Variants in GALNT1 observed in about 807,000 individuals in gnomAD.
GALNT1 encodes the protein GalNAc transferase 1.
In GALNT1, 17 loss-of-function variants were observed where a neutral mutation model predicts 65.7. That is an observed-to-expected ratio of 0.26 (90% CI 0.18 to 0.39). GALNT1 has a LOEUF of 0.39. GALNT1 is among the 10% of genes least tolerant of loss of function. GALNT1 has a pLI of 1.00. For missense variants in GALNT1, 460 were observed against 672.8 expected, an observed-to-expected ratio of 0.68 and a Z score of 3.50; for synonymous variants, 210 against 219.7, an observed-to-expected ratio of 0.96 and a Z score of 0.39.
intron 9 of GALNT1, among the ~76,000 whole-genome samples, chr18:35,695,266 G>T (rs1409529305): frequency 1.3e-5 from 2 of 150,964 alleles, no homozygotes; most frequent in African/African-American, 4.9e-5. Context: ...AGTAGAGGGT[G>T]TTGGGTGGGG....
At chr18:35,627,945 C>T (rs778280651) in intron 1 of GALNT1, among the ~76,000 whole-genome samples, 1 of 139,436 alleles carries the variant, frequency 7.2e-6, no homozygotes, top group East Asian at 2.0e-4. Flanking sequence ...TCGGAGGGTC[C>T]TACGCCCACG....
At chr18:35,611,884 G>A (rs536940037) in intron 1 of GALNT1, among the ~76,000 whole-genome samples, 3 of 152,254 alleles carry the variant, frequency 2.0e-5, no homozygotes, top group Non-Finnish European at 2.9e-5. Context: ...AAAGGATCCT[G>A]ACAAAAGTTT....
chr18:35,591,680 G>T (rs1445994428), intron 1 of GALNT1: 1 of 154,408 alleles, frequency 6.5e-6, no homozygotes, highest in Non-Finnish European at 1.5e-5. Flanking sequence ...GGAGGGAGCT[G>T]TTGAAGGATT....
chr18:35,635,130 GA>G (rs2047072464), intron 1 of GALNT1, among the ~76,000 whole-genome samples: 1 of 152,200 alleles, frequency 6.6e-6, no homozygotes, highest in East Asian at 1.9e-4. Context: ...TACAATGCAG[GA>G]AGAAGGTAAA....
At chr18:35,635,240 G>C (rs1291596930) in intron 1 of GALNT1, among the ~76,000 whole-genome samples, 1 of 152,142 alleles carries the variant, frequency 6.6e-6, no homozygotes, top group Non-Finnish European at 1.5e-5. Flanking sequence ...ACACATGCAA[G>C]ATGTCTCTAG....
intron 3 of GALNT1, chr18:35,664,178 C>A: frequency 5.1e-6 from 1 of 194,798 alleles, no homozygotes; most frequent in Non-Finnish European, 1.0e-5. Context: ...ATGTATACAC[C>A]TGTGTAACCA....
chr18:35,679,754 G>C (rs940975030), intron 4 of GALNT1, among the ~76,000 whole-genome samples: 9 of 152,208 alleles, frequency 5.9e-5, no homozygotes, highest in Non-Finnish European at 8.8e-5. Context: ...TCCAGGTTGA[G>C]AATCATCTAA....
chr18:35,683,300 A>T (rs1249897711), intron 4 of GALNT1, 91 bp from the exon 5 acceptor site: 3 of 942,762 alleles, frequency 3.2e-6, no homozygotes, highest in Non-Finnish European at 4.8e-6. Flanking sequence ...CAGTAAGGGT[A>T]TGTTGAATAA....
At chr18:35,668,280 A>G (rs2047577651) in intron 3 of GALNT1, among the ~76,000 whole-genome samples, 1 of 152,186 alleles carries the variant, frequency 6.6e-6, no homozygotes, top group South Asian at 2.1e-4. Flanking sequence ...AAAAATGATA[A>G]AATTGACTAA....
chr18:35,666,223 T>C (rs565437984), intron 3 of GALNT1, among the ~76,000 whole-genome samples: 4 of 152,174 alleles, frequency 2.6e-5, no homozygotes, highest in Non-Finnish European at 5.9e-5. Flanking sequence ...AAAACAAAAG[T>C]AATCATAGTT....
At chr18:35,669,118 G>T in intron 3 of GALNT1, among the ~76,000 whole-genome samples, 1 of 152,176 alleles carries the variant, frequency 6.6e-6, no homozygotes, top group East Asian at 1.9e-4. Context: ...GCACGCACCT[G>T]TAGTCCCAGC....
intron 9 of GALNT1, among the ~76,000 whole-genome samples, chr18:35,698,812 A>G (rs1410042230): frequency 1.3e-5 from 2 of 151,984 alleles, no homozygotes; most frequent in Non-Finnish European, 2.9e-5. Context: ...TCCTGTCTCT[A>G]CAAAAAAAAA....
chr18:35,681,419 C>G (rs1343480638), intron 4 of GALNT1, among the ~76,000 whole-genome samples: 1 of 151,852 alleles, frequency 6.6e-6, no homozygotes, highest in Non-Finnish European at 1.5e-5. Flanking sequence ...ACAAAGATGT[C>G]AAACAAAGAT....
At chr18:35,612,316 G>A (rs2046727703) in intron 1 of GALNT1, among the ~76,000 whole-genome samples, 1 of 152,182 alleles carries the variant, frequency 6.6e-6, no homozygotes, top group Admixed American at 6.5e-5. Context: ...TGGACAATTT[G>A]CCTTCTGGAT....
chr18:35,640,383 T>G (rs1284512725), intron 1 of GALNT1, among the ~76,000 whole-genome samples: 9 of 152,202 alleles, frequency 5.9e-5, no homozygotes, highest in Non-Finnish European at 1.0e-4. Flanking sequence ...AACAAGTATT[T>G]TCTAACAAAA....
At chr18:35,667,759 C>T (rs1381932618) in intron 3 of GALNT1, among the ~76,000 whole-genome samples, 1 of 152,110 alleles carries the variant, frequency 6.6e-6, no homozygotes. Context: ...ACTGTGGTGT[C>T]ATTTGAACAT....
chr18:35,677,793 A>C, intron 4 of GALNT1, 36 bp downstream of exon 4: 1 of 1,485,274 alleles, frequency 6.7e-7, no homozygotes, highest in Non-Finnish European at 9.3e-7. Flanking sequence ...AATTTGCTAC[A>C]CCTTTTGTCA....
Position 35,616,565 on chromosome 18 carries a change from G to A in GALNT1, c.-104+34703G>A, listed in dbSNP as rs188508407. Among the ~76,000 whole-genome samples the A allele has an allele frequency of 5.3e-5, 8 of 152,196 alleles. No individual in the cohort carries two copies. The East Asian group carries it at 1.5e-3, about 29-fold the overall frequency. On this transcript the variant is annotated intron_variant, in intron 1 of 11. Coordinates refer to ENST00000269195, the MANE Select transcript of GALNT1 (RefSeq NM_020474.4). ...CATATGGCTAATGAGAAGTACTAAG[G>A]CTTGCATATCCTCACCTGAAGTCTT...
At chr18:35,668,850 A>G (rs570948168) in intron 3 of GALNT1, among the ~76,000 whole-genome samples, 1 of 152,350 alleles carries the variant, frequency 6.6e-6, no homozygotes, top group Non-Finnish European at 1.5e-5. Context: ...AATTTAGATG[A>G]AATTAGTAGT....
Sources: allele counts gnomAD v4.1 joint callset (sites outside exome capture counted in the v4.1 genomes callset), GRCh38; gene constraint gnomAD v4.1.1; transcripts MANE v1.5; gene names NCBI Gene and HGNC (gene_info 2026-07-23, HGNC 2026-07-21).